CEP20: variants seen among roughly 807,000 people sequenced by gnomAD.
CEP20 encodes FGFR1OP N-terminal like.
CEP20 carries 18 observed loss-of-function variants against 20.0 expected under a neutral mutation model. The ratio of observed to expected loss-of-function variants is 0.90; its 90% CI spans 0.62 to 1.34. The LOEUF (loss-of-function observed/expected upper bound fraction) is 1.34, where lower values mean the gene tolerates loss of function less well. Among genes scored for constraint, CEP20 ranks in the 40% most tolerant of loss-of-function variants. CEP20 has a pLI of 0.00. For missense variants in CEP20, 215 were observed against 201.6 expected, an observed-to-expected ratio of 1.07 and a Z score of -0.40; for synonymous variants, 77 against 73.7, an observed-to-expected ratio of 1.04 and a Z score of -0.23.
chr16:15,869,939 C>T (rs1405152637), intron 4 of CEP20, among the ~76,000 whole-genome samples: 1 of 152,176 alleles, frequency 6.6e-6, no homozygotes. Context: ...CAGCAGTCAT[C>T]CTCATTTCTG....
intron 2 of CEP20, among the ~76,000 whole-genome samples, chr16:15,883,632 T>C (rs890266463): frequency 4.6e-5 from 7 of 152,122 alleles, no homozygotes; most frequent in Non-Finnish European, 7.4e-5. Flanking sequence ...CCCAAAGCAC[T>C]GAGATTACAG....
chr16:15,867,839 G>A (rs2044717600), intron 4 of CEP20, among the ~76,000 whole-genome samples: 2 of 151,946 alleles, frequency 1.3e-5, no homozygotes, highest in Non-Finnish European at 2.9e-5. Flanking sequence ...CGGGCGTGGT[G>A]GCAGGCGCCT....
At chr16:15,887,181 T>C (rs1441951950) in intron 1 of CEP20, among the ~76,000 whole-genome samples, 3 of 152,164 alleles carry the variant, frequency 2.0e-5, no homozygotes, top group African/African-American at 2.4e-5. Flanking sequence ...CATGAGCCAC[T>C]GTGCTTGGCC....
intron 4 of CEP20, among the ~76,000 whole-genome samples, chr16:15,868,927 AG>A (rs1205656362): frequency 6.6e-5 from 10 of 152,016 alleles, no homozygotes; most frequent in African/African-American, 2.4e-4. Context: ...AATCTTCGCC[AG>A]GAATGTAGTC....
intron 4 of CEP20, among the ~76,000 whole-genome samples, chr16:15,868,888 T>C (rs899593634): frequency 1.3e-5 from 2 of 152,048 alleles, no homozygotes; most frequent in Admixed American, 6.6e-5. Context: ...GTCCCTATTA[T>C]AAAAATCTGG....
chr16:15,880,826 C>T (rs142698302), intron 2 of CEP20, among the ~76,000 whole-genome samples: 2 of 152,014 alleles, frequency 1.3e-5, no homozygotes, highest in Non-Finnish European at 2.9e-5. Flanking sequence ...GAAGCGTGAA[C>T]CCTATTGTGA....
chr16:15,875,296 T>G (rs2151423937), intron 3 of CEP20, among the ~76,000 whole-genome samples: 1 of 152,330 alleles, frequency 6.6e-6, no homozygotes, highest in African/African-American at 2.4e-5. Flanking sequence ...TGTTAACTGG[T>G]TCAAGATGAT....
chr16:15,882,525 T>TCAAAA (rs1352771643), intron 2 of CEP20, among the ~76,000 whole-genome samples: 1 of 132,962 alleles, frequency 7.5e-6, no homozygotes, highest in African/African-American at 3.1e-5. Context: ...AGACTCTGTC[T>TCAAAA]CAAAACAAAC....
In CEP20 at chr16:15,866,760, A is replaced by G. The variant is rs914658502; in HGVS notation, c.*680T>C. On this transcript the variant is annotated 3_prime_UTR_variant, in exon 5 of 5. Transcript: ENST00000255759. ...AAAATAAACTCTTTGTTTTATTTAC[A>G]GCAAAATTATTACAGCAAATTTACT... The G allele has an allele frequency of 6.6e-6, 1 of 152,226 alleles. No homozygotes were observed. Among genetic ancestry groups the G allele is most frequent in the African/African-American group, 2.4e-5 (1 of 41,464 alleles). The allele number at this position is 152,226 out of a possible 1,614,324, so 9.4% of individuals were successfully genotyped here.
At chr16:15,881,905 G>A (rs1462415777) in intron 2 of CEP20, among the ~76,000 whole-genome samples, 1 of 151,992 alleles carries the variant, frequency 6.6e-6, no homozygotes, top group East Asian at 1.9e-4. Flanking sequence ...CCTATCACTA[G>A]GATGAGTTTG....
rs527992731 is a variant in CEP20 at position 15,879,840 on chromosome 16, T to A, written c.275A>T (p.Glu92Val). The change falls in exon 3 of 5, where the codon GAA becomes GTA. Residue 92 changes from glutamate to valine, a missense_variant. Physicochemically the swap from Glu to Val is moderately radical, Grantham distance 121. Coordinates refer to ENST00000255759, the MANE Select transcript of CEP20 (RefSeq NM_144600.4). The part of the protein sequence containing the change: ...VPLDRQFLIH[E>V]LNAFEESKDN... ...CTTTGATTCTTCAAATGCATTTAGT[T>A]CATGGATGAGAAACTGTCTGTCCAA... The A allele has an allele frequency of 1.9e-6, 3 of 1,574,816 alleles. No homozygotes were observed. In the African/African-American group the frequency reaches 4.2e-5, roughly 22 times the overall value.
chr16:15,883,214 T>G (rs1230555037), intron 2 of CEP20, among the ~76,000 whole-genome samples: 13 of 151,858 alleles, frequency 8.6e-5, no homozygotes, highest in Admixed American at 7.9e-4. Flanking sequence ...ATAAAAAAAT[T>G]TAGCTGGGCA....
chr16:15,884,157 G>C lies in CEP20; in HGVS notation c.77C>G (p.Ala26Gly), dbSNP rs1312107965. The change falls in exon 2 of 5, where the codon GCA becomes GGA. Residue 26 changes from alanine (A) to glycine (G), a missense_variant. Coordinates refer to ENST00000255759, the MANE Select transcript of CEP20 (RefSeq NM_144600.4). ...ATTGAAAACTTCAGCTCGGATCCTTGCTTTTAAATGCCCTAATACCCCCTT... is the reference window on the plus strand; with the variant it reads ...ATTGAAAACTTCAGCTCGGATCCTTCCTTTTAAATGCCCTAATACCCCCTT... ...EKKGVLGHLK[A>G]RIRAEVFNAL... The C allele has an allele frequency of 3.7e-6, 6 of 1,613,900 alleles. No individual in the cohort carries two copies. The highest frequency in any genetic ancestry group is 5.1e-6 in the Non-Finnish European group (6 of 1,179,938).
intron 2 of CEP20, among the ~76,000 whole-genome samples, chr16:15,883,349 T>C (rs7206358): frequency 0.069 from 10,462 of 151,838 alleles, 474 homozygotes; most frequent in East Asian, 0.22. Context: ...TGCAACAGAG[T>C]GAGATTCTGT....
At chr16:15,886,875 GA>G (rs1485581170) in intron 1 of CEP20, among the ~76,000 whole-genome samples, 1 of 151,770 alleles carries the variant, frequency 6.6e-6, no homozygotes, top group Non-Finnish European at 1.5e-5. Flanking sequence ...TATATTTCAA[GA>G]GTACCTTTTT....
chr16:15,872,781 T>A (rs1183525576), intron 4 of CEP20, among the ~76,000 whole-genome samples: 1 of 127,300 alleles, frequency 7.9e-6, no homozygotes, highest in Non-Finnish European at 1.6e-5. Flanking sequence ...CTCAAAAAAA[T>A]ACATAAAAAT....
Position 15,867,304 on chromosome 16 carries a change from GT to G in CEP20, c.*135del. 1 of 527,508 alleles carries G rather than the reference GT, an allele frequency of 1.9e-6. No individual in the cohort carries two copies. The highest frequency in any genetic ancestry group is 3.2e-6 in the Non-Finnish European group (1 of 310,332). 32.7% of individuals were successfully genotyped at this position (527,508 alleles called of 1,614,324 possible). ...GAGTTAGCTTTTATTCACAAATGTA[GT>G]TAAACATGAGGGGTGTTTTGTAGAA... On this transcript the variant is annotated 3_prime_UTR_variant, in exon 5 of 5. Transcript: ENST00000255759.
intron 2 of CEP20, among the ~76,000 whole-genome samples, chr16:15,880,346 A>G (rs2045069111): frequency 6.6e-6 from 1 of 152,202 alleles, no homozygotes; most frequent in South Asian, 2.1e-4. Flanking sequence ...GTTTTCTTAT[A>G]AAGGTGAGCG....
At chr16:15,881,034 A>G (rs56319798) in intron 2 of CEP20, among the ~76,000 whole-genome samples, 16,738 of 152,016 alleles carry the variant, frequency 0.11, 987 homozygotes, top group Middle Eastern at 0.17. Context: ...AATAAAATGC[A>G]CAATAAATGG....
Sources: gnomAD v4.1 joint callset for allele counts (sites outside exome capture counted in the v4.1 genomes callset) on GRCh38, gnomAD v4.1.1 for gene constraint, MANE v1.5 for transcripts, NCBI Gene and HGNC (gene_info 2026-07-23, HGNC 2026-07-21) for gene names.